AOPEP: variants seen among roughly 807,000 people sequenced by gnomAD.
AOPEP encodes aminopeptidase O (putative).
In AOPEP, 77 loss-of-function variants were observed where a neutral mutation model predicts 98.1. The ratio of observed to expected loss-of-function variants is 0.78; its 90% CI spans 0.65 to 0.95. AOPEP has a LOEUF of 0.95. Ranked by LOEUF, AOPEP falls within the 40% of genes least tolerant of loss-of-function variation. The pLI is 0.00. For missense variants in AOPEP, 1,024 were observed against 1,024.7 expected, an observed-to-expected ratio of 1.00 and a Z score of 0.01; for synonymous variants, 346 against 365.3, an observed-to-expected ratio of 0.95 and a Z score of 0.60.
At chr9:95,101,608 C>CACTT in the AOPEP span, 32 of 1,437,684 alleles carry the variant, frequency 2.2e-5, no homozygotes, top group Admixed American at 7.1e-5. Context: ...CCAGCGAGGG[C>CACTT]ACTTACTCCA....
At chr9:95,066,067 A>G (rs1413038205) in intron 14 of AOPEP, among the ~76,000 whole-genome samples, 1 of 152,240 alleles carries the variant, frequency 6.6e-6, no homozygotes, top group South Asian at 2.1e-4. Flanking sequence ...CTTTAGACAT[A>G]TCTTTTTACA....
At chr9:94,997,703 GT>G (rs1004413827) in intron 11 of AOPEP, among the ~76,000 whole-genome samples, 13 of 151,710 alleles carry the variant, frequency 8.6e-5, no homozygotes, top group African/African-American at 3.1e-4. Flanking sequence ...GTGAAATTTT[GT>G]TTTTTTTGAG....
intron 5 of AOPEP, among the ~76,000 whole-genome samples, chr9:94,873,540 A>G (rs1383627035): frequency 6.6e-6 from 1 of 152,240 alleles, no homozygotes; most frequent in Non-Finnish European, 1.5e-5. Context: ...GACTTTGCAC[A>G]GATTCAAAGA....
At chr9:94,873,650 C>T (rs558528664) in intron 5 of AOPEP, among the ~76,000 whole-genome samples, 8 of 152,268 alleles carry the variant, frequency 5.3e-5, no homozygotes, top group Admixed American at 3.3e-4. Flanking sequence ...AGAATCTGAG[C>T]AGTTATTTGT....
chr9:95,075,141 G>A (rs1432034986), intron 14 of AOPEP, among the ~76,000 whole-genome samples: 1 of 152,180 alleles, frequency 6.6e-6, no homozygotes, highest in African/African-American at 2.4e-5. Context: ...TGCGGTCTGG[G>A]TCTGTGTAGG....
chr9:94,833,101 A>T (rs1320876688), intron 5 of AOPEP, among the ~76,000 whole-genome samples: 5 of 151,700 alleles, frequency 3.3e-5, no homozygotes, highest in Non-Finnish European at 7.4e-5. Flanking sequence ...ATGCCCTGCT[A>T]ATTTTTGTGT....
chr9:95,091,012 G>C (rs949381755), downstream of AOPEP, among the ~76,000 whole-genome samples: 1 of 152,118 alleles, frequency 6.6e-6, no homozygotes, highest in African/African-American at 2.4e-5. Context: ...CCTCCACCTC[G>C]ATTCAGCCTG....
intron 2 of AOPEP, among the ~76,000 whole-genome samples, chr9:94,772,581 C>T (rs897211675): frequency 3.3e-5 from 5 of 152,152 alleles, no homozygotes; most frequent in African/African-American, 1.2e-4. Flanking sequence ...CTTGTTTTTC[C>T]AAGCATTAAT....
chr9:95,001,383 G>T (rs1019389343), intron 11 of AOPEP, among the ~76,000 whole-genome samples: 1 of 152,186 alleles, frequency 6.6e-6, no homozygotes, highest in Non-Finnish European at 1.5e-5. Flanking sequence ...ACTGGATGAG[G>T]CATTTTTAAA....
At chr9:94,803,242 A>T (rs1848565493) in intron 5 of AOPEP, among the ~76,000 whole-genome samples, 1 of 152,216 alleles carries the variant, frequency 6.6e-6, no homozygotes, top group African/African-American at 2.4e-5. Context: ...CTCTTTCCCG[A>T]GTCCATATTT....
chr9:94,985,588 G>A (rs745403269), intron 11 of AOPEP, among the ~76,000 whole-genome samples: 10 of 152,202 alleles, frequency 6.6e-5, no homozygotes, highest in East Asian at 1.9e-4. Context: ...ACATTTAATG[G>A]TCAGTCAAGA....
rs766818481 is a variant in AOPEP, at chr9:95,060,677, T to C, written c.2116-17T>C. 22 of 1,532,442 alleles carry C rather than the reference T, an allele frequency of 1.4e-5. No homozygotes were observed. The highest frequency in any genetic ancestry group is 2.0e-5 in the Non-Finnish European group (22 of 1,105,340). The allele number at this position is 1,532,442 out of a possible 1,614,324, so 94.9% of individuals were successfully genotyped here. On this transcript the variant is annotated splice_polypyrimidine_tract_variant and intron_variant, in intron 13 of 16. Transcript: ENST00000375315. ...AACTGAATGGCATTTTCATAGGCTG[T>C]TTGGTTTTGTCTTTAGCTTCTTCCA...
chr9:94,908,311 G>C (rs1197953511), intron 5 of AOPEP, among the ~76,000 whole-genome samples: 1 of 152,140 alleles, frequency 6.6e-6, no homozygotes, highest in African/African-American at 2.4e-5. Context: ...CTTTGGTCCA[G>C]TCTCTGACTG....
chr9:94,865,622 C>G, intron 5 of AOPEP, among the ~76,000 whole-genome samples: 1 of 152,132 alleles, frequency 6.6e-6, no homozygotes, highest in Non-Finnish European at 1.5e-5. Flanking sequence ...GGTGGAAATG[C>G]CTTTTGCTTA....
chr9:95,120,464 G>A, the AOPEP span, among the ~76,000 whole-genome samples: 9 of 151,334 alleles, frequency 5.9e-5, no homozygotes, highest in African/African-American at 1.7e-4. Flanking sequence ...TTCCAGGCTG[G>A]AGTGCAGTGG....
chr9:95,112,313 G>GCT, the AOPEP span, among the ~76,000 whole-genome samples: 1 of 152,186 alleles, frequency 6.6e-6, no homozygotes, highest in Non-Finnish European at 1.5e-5. Context: ...CATTAGATGA[G>GCT]AACATTCCTT....
intron 3 of AOPEP, among the ~76,000 whole-genome samples, chr9:94,778,654 G>T (rs1463211569): frequency 1.3e-5 from 2 of 152,134 alleles, no homozygotes; most frequent in Admixed American, 6.5e-5. Context: ...GAATTTCTGG[G>T]GTAATGGAAA....
At chr9:95,031,646 C>T (rs940145593) in intron 13 of AOPEP, among the ~76,000 whole-genome samples, 11 of 152,306 alleles carry the variant, frequency 7.2e-5, no homozygotes, top group African/African-American at 2.2e-4. Context: ...CTACTCTACA[C>T]GTAACTGATG....
In AOPEP at chr9:95,005,527, G is replaced by A; in HGVS notation, c.2041-15G>A. 1 of 1,613,046 alleles carries A rather than the reference G, an allele frequency of 6.2e-7. No individual in the cohort carries two copies. The highest frequency in any genetic ancestry group is 1.1e-5 in the South Asian group (1 of 91,044). Reference sequence around the variant, plus strand: ...CTGTCGCCTTCTTTGAAATGCTGTGGTTTTTGAACCTCAGGTCACGAAATG... The same window carrying A: ...CTGTCGCCTTCTTTGAAATGCTGTGATTTTTGAACCTCAGGTCACGAAATG... On this transcript the variant is annotated splice_polypyrimidine_tract_variant and intron_variant, in intron 12 of 16. Coordinates refer to ENST00000375315, the MANE Select transcript of AOPEP (RefSeq NM_001193329.3).
Sources: gnomAD v4.1 joint callset for allele counts (sites outside exome capture counted in the v4.1 genomes callset) on GRCh38, gnomAD v4.1.1 for gene constraint, MANE v1.5 for transcripts, NCBI Gene and HGNC (gene_info 2026-07-23, HGNC 2026-07-21) for gene names.